ARK2C: variants seen among roughly 807,000 people sequenced by gnomAD.
ARK2C encodes E3 ubiquitin-protein ligase ARK2C.
the ARK2C span, among the ~76,000 whole-genome samples, chr18:46,423,826 C>T: frequency 1.3e-5 from 2 of 152,204 alleles, no homozygotes; most frequent in Admixed American, 1.3e-4. Context: ...AAGAACTATG[C>T]TTCTTTACTA....
chr18:46,352,977 T>C, the ARK2C span, among the ~76,000 whole-genome samples: 1 of 152,164 alleles, frequency 6.6e-6, no homozygotes, highest in African/African-American at 2.4e-5. Context: ...GCACTGTGGG[T>C]GGGACTAGCA....
chr18:46,336,254 T>C, the ARK2C span: 1 of 985,290 alleles, frequency 1.0e-6, no homozygotes, highest in Non-Finnish European at 1.2e-6. Context: ...ATTAAATCAT[T>C]ACCATCCTCA....
chr18:46,351,837 T>C, the ARK2C span, among the ~76,000 whole-genome samples: 1 of 152,170 alleles, frequency 6.6e-6, no homozygotes, highest in Non-Finnish European at 1.5e-5. Context: ...GTCAATCCAC[T>C]GCGCACAAAC....
the ARK2C span, among the ~76,000 whole-genome samples, chr18:46,379,539 C>T: frequency 2.6e-5 from 4 of 152,188 alleles, no homozygotes; most frequent in African/African-American, 7.2e-5. Flanking sequence ...GCCTGGCCAA[C>T]AGCACCGCCC....
the ARK2C span, chr18:46,457,091 G>C: frequency 6.3e-6 from 1 of 158,234 alleles, no homozygotes; most frequent in Non-Finnish European, 1.4e-5. Flanking sequence ...GTTGTGTGTG[G>C]TGCTCTAGTC....
chr18:46,392,583 C>CT, the ARK2C span, among the ~76,000 whole-genome samples: 1 of 152,106 alleles, frequency 6.6e-6, no homozygotes, highest in Non-Finnish European at 1.5e-5. Context: ...AGGAGAGGCT[C>CT]TGGGGAGCCC....
chr18:46,448,859 G>A, the ARK2C span, among the ~76,000 whole-genome samples: 1 of 152,126 alleles, frequency 6.6e-6, no homozygotes, highest in Admixed American at 6.5e-5. Flanking sequence ...ACTTCACTTT[G>A]CTGCCCTAAA....
the ARK2C span, among the ~76,000 whole-genome samples, chr18:46,345,683 A>C: frequency 2.4e-4 from 37 of 152,072 alleles, no homozygotes; most frequent in Non-Finnish European, 2.9e-5. Flanking sequence ...TGGGGAAAAC[A>C]TGAAGTTTAT....
At chr18:46,369,935 C>CCA in the ARK2C span, among the ~76,000 whole-genome samples, 6 of 151,698 alleles carry the variant, frequency 4.0e-5, no homozygotes, top group East Asian at 3.9e-4. Flanking sequence ...TGCTGGCCCT[C>CCA]CACACACACA....
chr18:46,349,799 C>T, the ARK2C span, among the ~76,000 whole-genome samples: 7 of 152,278 alleles, frequency 4.6e-5, no homozygotes, highest in Non-Finnish European at 1.0e-4. Flanking sequence ...CCCACAGCTA[C>T]ATTTGACACG....
the ARK2C span, among the ~76,000 whole-genome samples, chr18:46,382,836 C>T: frequency 6.6e-6 from 1 of 152,196 alleles, no homozygotes; most frequent in East Asian, 1.9e-4. Flanking sequence ...GGTCTGGCAT[C>T]TGAGCAGCTT....
At chr18:46,435,266 G>T in the ARK2C span, 16 of 1,607,672 alleles carry the variant, frequency 1.0e-5, no homozygotes, top group Non-Finnish European at 1.2e-5. Context: ...TGACACGAGG[G>T]CTCTCCATCC....
the ARK2C span, among the ~76,000 whole-genome samples, chr18:46,412,899 A>G: frequency 6.6e-6 from 1 of 152,120 alleles, no homozygotes; most frequent in Admixed American, 6.5e-5. Context: ...GGTCACTAGC[A>G]GATCCTCCCT....
chr18:46,415,174 C>T, the ARK2C span, among the ~76,000 whole-genome samples: 3 of 152,120 alleles, frequency 2.0e-5, no homozygotes, highest in African/African-American at 2.4e-5. Context: ...GACTGACACT[C>T]ATCGAAATGT....
At chr18:46,417,246 T>C in the ARK2C span, among the ~76,000 whole-genome samples, 3 of 152,258 alleles carry the variant, frequency 2.0e-5, no homozygotes, top group Admixed American at 6.5e-5. Context: ...CTTTGCCTTC[T>C]GCAGCCTATT....
chr18:46,453,574 A>G, the ARK2C span, among the ~76,000 whole-genome samples: 1 of 152,202 alleles, frequency 6.6e-6, no homozygotes, highest in Non-Finnish European at 1.5e-5. Context: ...ATAAGAAATG[A>G]CAAAAGTTAG....
chr18:46,429,870 T>A, the ARK2C span, among the ~76,000 whole-genome samples: 2 of 152,176 alleles, frequency 1.3e-5, no homozygotes, highest in African/African-American at 4.8e-5. Context: ...CCCTCCTAAG[T>A]AATCCCAAAG....
the ARK2C span, among the ~76,000 whole-genome samples, chr18:46,373,681 G>A: frequency 2.6e-5 from 4 of 152,240 alleles, no homozygotes; most frequent in African/African-American, 4.8e-5. Context: ...GCTCACAGGT[G>A]TGTAAATGGC....
the ARK2C span, among the ~76,000 whole-genome samples, chr18:46,439,833 T>C: frequency 6.6e-6 from 1 of 152,236 alleles, no homozygotes; most frequent in Admixed American, 6.5e-5. Flanking sequence ...TTGTTTTGTT[T>C]GTGTGTTTGT....
Sources: allele counts gnomAD v4.1 joint callset (sites outside exome capture counted in the v4.1 genomes callset), GRCh38; gene constraint gnomAD v4.1.1; transcripts MANE v1.5; gene names NCBI Gene and HGNC (gene_info 2026-07-23, HGNC 2026-07-21).